The following TOM1L1 variants were observed in gnomAD, a reference collection of about 807,000 sequenced individuals.
TOM1L1 encodes target of myb1 like 1 membrane trafficking protein, also known as TOM1-like protein 1.
In TOM1L1, 64 loss-of-function variants were observed where a neutral mutation model predicts 63.4. The observed-to-expected ratio is 1.01, with a 90% CI of 0.83 to 1.24. TOM1L1 has a LOEUF of 1.24. Among genes scored for constraint, TOM1L1 ranks in the 50% most tolerant of loss-of-function variants. TOM1L1 has a pLI of 0.00. For missense variants in TOM1L1, 536 were observed against 567.0 expected (o/e 0.95, Z 0.55); for synonymous variants, 166 against 194.4 (o/e 0.85, Z 1.22).
intron 14 of TOM1L1, 23 bp downstream of exon 14, chr17:54,950,149 A>T: frequency 6.3e-7 from 1 of 1,583,226 alleles, no homozygotes. Flanking sequence ...CAAAATGATT[A>T]ATTTATTTTT....
intron 7 of TOM1L1, among the ~76,000 whole-genome samples, chr17:54,926,878 A>G (rs1354161721): frequency 6.6e-6 from 1 of 152,204 alleles, no homozygotes; most frequent in Non-Finnish European, 1.5e-5. Flanking sequence ...TGTTCTATCC[A>G]TTAGACCAAC....
Position 54,918,941 on chromosome 17 carries a change from CAGT to C in TOM1L1, c.720+3081_720+3083del, listed in dbSNP as rs2048636156. On this transcript the variant is annotated intron_variant, in intron 7 of 15. Transcript: ENST00000575882. ...GGGTAGTATACCTTGAGAAATGAAT[CAGT>C]ATTTTGGATCCGTGGCTTTAAGTAT... Among the ~76,000 whole-genome samples, 10 of 152,240 alleles carry C rather than the reference CAGT, an allele frequency of 6.6e-5. No individual in the cohort carries two copies. The South Asian group carries it at 2.1e-3, about 32-fold the overall frequency.
At chr17:54,918,107 T>C (rs1598015953) in intron 7 of TOM1L1, among the ~76,000 whole-genome samples, 1 of 152,156 alleles carries the variant, frequency 6.6e-6, no homozygotes, top group Non-Finnish European at 1.5e-5. Context: ...GGAGCACCCT[T>C]CATATTCCTT....
intron 14 of TOM1L1, among the ~76,000 whole-genome samples, chr17:54,956,028 T>A (rs2049482419): frequency 6.6e-6 from 1 of 152,136 alleles, no homozygotes; most frequent in Non-Finnish European, 1.5e-5. Context: ...CAGGAGCCTA[T>A]AAGGGAGGTC....
chr17:54,903,677 T>C lies in TOM1L1; in HGVS notation c.59-31T>C, dbSNP rs527746014. The C allele has an allele frequency of 8.9e-6, 14 of 1,578,526 alleles. No individual in the cohort carries two copies. The South Asian group carries it at 1.4e-4, about 16-fold the overall frequency. On this transcript the variant is annotated intron_variant, in intron 1 of 15. Coordinates refer to ENST00000575882, the MANE Select transcript of TOM1L1 (RefSeq NM_005486.3). ...ATACCAGACATTTTTTATTCTGTTG[T>C]AGCTCAGACTCAACAGCTTTTTCTT...
chr17:54,946,747 G>A (rs1312637387), intron 11 of TOM1L1, among the ~76,000 whole-genome samples: 7 of 152,096 alleles, frequency 4.6e-5, no homozygotes, highest in Non-Finnish European at 1.0e-4. Context: ...AATATGAAGA[G>A]GCAAAAAACG....
At chr17:54,943,441 G>GGTGTGT (rs10694555) in intron 11 of TOM1L1, among the ~76,000 whole-genome samples, 19,164 of 134,236 alleles carry the variant, frequency 0.14, 1,434 homozygotes, top group Middle Eastern at 0.17. Flanking sequence ...TTTGTATAAT[G>GGTGTGT]GTGTGTGTGT....
rs2048993781 is a variant in TOM1L1 at position 54,938,908 on chromosome 17, C to G, written c.1034-16C>G. On this transcript the variant is annotated splice_polypyrimidine_tract_variant and intron_variant, in intron 10 of 15. Transcript: ENST00000575882. Reference sequence around the variant, plus strand: ...CAAAATGTTTTAAAGCCAAACAAGTCCATTTTGTGTTTTAGATTTCAGCCT... The same window carrying G: ...CAAAATGTTTTAAAGCCAAACAAGTGCATTTTGTGTTTTAGATTTCAGCCT... 4 of 1,548,906 alleles carry G rather than the reference C, an allele frequency of 2.6e-6. No individual in the cohort carries two copies. The highest frequency in any genetic ancestry group is 3.5e-6 in the Non-Finnish European group (4 of 1,127,780).
rs774301224 is a variant in TOM1L1, at chr17:54,949,517, GT to G, written c.1185del (p.Leu396TrpfsTer36). The G allele has an allele frequency of 6.2e-6, 10 of 1,612,070 alleles. No homozygotes were observed. The highest frequency in any genetic ancestry group is 5.3e-5 in the African/African-American group (4 of 74,868). ...ATGAACATGTGTTATGCTTTCTTCA[GT>G]TTCTGGAACATTCAAATTCAGTGTT... The part of the protein sequence containing the change: ...NLTSSHAYDN[F>X]LEHSNSVFLQ... On this transcript the variant is annotated frameshift_variant and splice_region_variant, in exon 13 of 16. Coordinates refer to ENST00000575882, the MANE Select transcript of TOM1L1 (RefSeq NM_005486.3). LOFTEE classifies it high-confidence loss of function.
chr17:54,926,340 A>G (rs1242239752), intron 7 of TOM1L1, among the ~76,000 whole-genome samples: 3 of 152,210 alleles, frequency 2.0e-5, no homozygotes, highest in Non-Finnish European at 4.4e-5. Flanking sequence ...CATAGGAATG[A>G]AGAGTTGCAA....
At position 54,925,733 on chromosome 17, in the gene TOM1L1, G is replaced by A. The variant is rs150655818; in HGVS notation, c.721-4340G>A. On this transcript the variant is annotated intron_variant, in intron 7 of 15. Coordinates refer to ENST00000575882, the MANE Select transcript of TOM1L1 (RefSeq NM_005486.3). The stretch of plus-strand genomic sequence containing the variant: ...AGCCTGGCCAACATGGTGAAACCCC[G>A]TCTCTACTAAAAATACAAATATCAG... 9.9e-3 allele frequency among the ~76,000 whole-genome samples: 1,510 copies of A among 152,110 alleles called. 15 individuals carry two copies. Among genetic ancestry groups the A allele is most frequent in the Middle Eastern group, 0.02 (6 of 294 alleles).
At chr17:54,910,127 A>C (rs765240208) in intron 3 of TOM1L1, among the ~76,000 whole-genome samples, 1 of 152,168 alleles carries the variant, frequency 6.6e-6, no homozygotes, top group African/African-American at 2.4e-5. Context: ...AGTCTTACCC[A>C]TTATCATAAA....
intron 15 of TOM1L1, 45 bp downstream of exon 15, chr17:54,960,672 T>G (rs1179386813): frequency 2.1e-6 from 3 of 1,406,758 alleles, no homozygotes; most frequent in Non-Finnish European, 2.0e-6. Flanking sequence ...TTCCATATAA[T>G]TTCAGTATAA....
chr17:54,936,572 G>A lies in TOM1L1; in HGVS notation c.855-77G>A, dbSNP rs1414774109. 3 of 1,200,800 alleles carry A rather than the reference G, an allele frequency of 2.5e-6. No homozygotes were observed. The African/African-American group carries it at 4.7e-5, about 19-fold the overall frequency. The allele number at this position is 1,200,800 out of a possible 1,614,324, so 74.4% of individuals were successfully genotyped here. A position where few individuals can be genotyped will look rare whatever the true frequency, so the allele number is the denominator to read the frequency against. ...ATTGTCTTCATTCCTAAATATTTGTGTATTAATAATTGTTAGATTTTTATA... is the reference window on the plus strand; with the variant it reads ...ATTGTCTTCATTCCTAAATATTTGTATATTAATAATTGTTAGATTTTTATA... On this transcript the variant is annotated intron_variant, in intron 8 of 15. Transcript: ENST00000575882.
chr17:54,905,386 G>T (rs1329459488), intron 2 of TOM1L1, 103 bp from the exon 3 acceptor site: 2 of 756,814 alleles, frequency 2.6e-6, no homozygotes, highest in East Asian at 2.5e-5. Flanking sequence ...TTAGTTTTCT[G>T]CTCCTTAGCC....
At chr17:54,925,736 T>C (rs375754728) in intron 7 of TOM1L1, among the ~76,000 whole-genome samples, 14 of 152,136 alleles carry the variant, frequency 9.2e-5, no homozygotes, top group African/African-American at 3.4e-4. Flanking sequence ...AAACCCCGTC[T>C]CTACTAAAAA....
intron 7 of TOM1L1, chr17:54,916,158 C>T (rs1002250419): frequency 1.9e-5 from 8 of 413,216 alleles, no homozygotes; most frequent in African/African-American, 1.6e-4. Context: ...CCTCTATTTT[C>T]ATCCACTCAA....
In TOM1L1 at chr17:54,961,225, T is replaced by C; in HGVS notation, c.*2-10T>C. ...GATGAATACTGGCCATTTTCTTCTC[T>C]TTATTTTAGAAGAAAGTGGATGATC... On this transcript the variant is annotated splice_polypyrimidine_tract_variant and intron_variant, in intron 15 of 15. Coordinates refer to ENST00000575882, the MANE Select transcript of TOM1L1 (RefSeq NM_005486.3). 2.0e-6 allele frequency: 3 copies of C among 1,506,014 alleles called. No individual in the cohort carries two copies. The East Asian group carries it at 7.4e-5, about 37-fold the overall frequency. 93.3% of individuals were successfully genotyped at this position (1,506,014 alleles called of 1,614,324 possible). A position where few individuals can be genotyped will look rare whatever the true frequency, so the allele number is the denominator to read the frequency against.
Position 54,901,698 on chromosome 17 carries a change from A to G in TOM1L1, c.58+775A>G, listed in dbSNP as rs115403975. The stretch of plus-strand genomic sequence containing the variant: ...GCATATTAATGCCAGGCAAAGTGTG[A>G]TGATGTCAGGAACTTAGTGGGGTGA... On this transcript the variant is annotated intron_variant, in intron 1 of 15. Transcript: ENST00000575882. 2.7e-3 allele frequency among the ~76,000 whole-genome samples: 404 copies of G among 152,176 alleles called. 5 individuals are homozygous for G. Among genetic ancestry groups the G allele is most frequent in the African/African-American group, 9.4e-3 (389 of 41,520 alleles).
Sources: gnomAD v4.1 joint callset for allele counts (sites outside exome capture counted in the v4.1 genomes callset) on GRCh38, gnomAD v4.1.1 for gene constraint, MANE v1.5 for transcripts, NCBI Gene and HGNC (gene_info 2026-07-23, HGNC 2026-07-21) for gene names.